The following IMPG2 variants were observed in gnomAD, a reference collection of about 807,000 sequenced individuals.
The protein encoded by IMPG2 is interphotoreceptor matrix proteoglycan 2.
A neutral mutation model predicts 129.2 loss-of-function variants in IMPG2; 91 were observed. That is an observed-to-expected ratio of 0.70 (90% CI 0.59 to 0.84). The LOEUF is 0.84. Ranked by LOEUF, IMPG2 falls within the 40% of genes least tolerant of loss-of-function variation. The pLI is 0.00. For synonymous variants in IMPG2, 510 were observed against 517.7 expected, an observed-to-expected ratio of 0.99 and a Z score of 0.20; for missense variants, 1,430 against 1,461.7, an observed-to-expected ratio of 0.98 and a Z score of 0.35.
intron 1 of IMPG2, 112 bp from the exon 2 acceptor site, chr3:101,319,944 A>C (rs993247232): frequency 2.7e-6 from 3 of 1,127,338 alleles, no homozygotes; most frequent in Non-Finnish European, 3.9e-6. Context: ...GCCAGTGCCC[A>C]AATCATAGGC....
At chr3:101,319,157 A>G (rs1388078811) in intron 2 of IMPG2, among the ~76,000 whole-genome samples, 1 of 152,178 alleles carries the variant, frequency 6.6e-6, no homozygotes, top group African/African-American at 2.4e-5. Flanking sequence ...ATGTAGCCCA[A>G]AACATAAACT....
At chr3:101,288,078 A>C (rs1706966694) in intron 4 of IMPG2, among the ~76,000 whole-genome samples, 1 of 152,150 alleles carries the variant, frequency 6.6e-6, no homozygotes. Flanking sequence ...AAAAGTAGGC[A>C]AAGGAAAAGA....
chr3:101,293,433 A>G (rs953170484), intron 3 of IMPG2, among the ~76,000 whole-genome samples: 2 of 152,218 alleles, frequency 1.3e-5, no homozygotes, highest in Non-Finnish European at 2.9e-5. Flanking sequence ...GGTGGGCTTA[A>G]AAGATTCAGT....
intron 7 of IMPG2, 107 bp downstream of exon 7, chr3:101,273,474 G>A: frequency 8.3e-7 from 1 of 1,206,342 alleles, no homozygotes; most frequent in South Asian, 1.4e-5. Flanking sequence ...CAGGAACCAA[G>A]TAGACAAACA....
chr3:101,261,651 G>T (rs552490749), intron 9 of IMPG2, among the ~76,000 whole-genome samples: 1 of 152,132 alleles, frequency 6.6e-6, no homozygotes, highest in East Asian at 1.9e-4. Context: ...TTTTTGTTCT[G>T]GAAAGGGAAC....
At chr3:101,229,318 C>CCGGG in intron 17 of IMPG2, 62 bp downstream of exon 17, 2 of 1,136,282 alleles carry the variant, frequency 1.8e-6, no homozygotes, top group Non-Finnish European at 2.6e-6. Flanking sequence ...CCACCACCCC[C>CCGGG]TGCTCCCCCA....
intron 4 of IMPG2, among the ~76,000 whole-genome samples, chr3:101,280,987 TATTCTCAACTACA>T (rs1032315353): frequency 9.2e-5 from 14 of 151,580 alleles, no homozygotes; most frequent in Admixed American, 3.9e-4. Flanking sequence ...CCATGATGGG[TATTCTCAACTACA>T]ATTCTCAACT....
intron 14 of IMPG2, among the ~76,000 whole-genome samples, chr3:101,237,113 G>C (rs1162642905): frequency 1.3e-5 from 2 of 152,154 alleles, no homozygotes; most frequent in African/African-American, 4.8e-5. Context: ...AATTTGAACT[G>C]GGTGGAGCCC....
intron 4 of IMPG2, among the ~76,000 whole-genome samples, chr3:101,277,765 C>T (rs1706853140): frequency 6.6e-6 from 1 of 152,198 alleles, no homozygotes; most frequent in African/African-American, 2.4e-5. Flanking sequence ...TAGGTTTCCA[C>T]AAGTCCATAT....
At chr3:101,275,842 A>G (rs1706835151) in intron 5 of IMPG2, 97 bp from the exon 6 acceptor site, 7 of 894,094 alleles carry the variant, frequency 7.8e-6, no homozygotes, top group Non-Finnish European at 9.2e-6. Flanking sequence ...AACCATTCCT[A>G]TAAATAGTTT....
chr3:101,289,702 T>C (rs1011749868), intron 4 of IMPG2, among the ~76,000 whole-genome samples: 1 of 151,930 alleles, frequency 6.6e-6, no homozygotes, highest in Non-Finnish European at 1.5e-5. Flanking sequence ...TTAAATTGTC[T>C]TACAGAGGAG....
rs775672581 is a variant in IMPG2 at position 101,244,794 on chromosome 3, AT to A, written c.1544-8del. The A allele has an allele frequency of 6.2e-7, 1 of 1,612,356 alleles. No individual in the cohort carries two copies. The highest frequency in any genetic ancestry group is 8.5e-7 in the Non-Finnish European group (1 of 1,178,750). ...TCTTCAACATTGGCTAATCCTAAAA[AT>A]AAAGTTTTCCATTAATTAATCTACA... On this transcript the variant is annotated splice_region_variant and splice_polypyrimidine_tract_variant and intron_variant, in intron 12 of 18. Coordinates refer to ENST00000193391, the MANE Select transcript of IMPG2 (RefSeq NM_016247.4).
rs371373101 is a variant in IMPG2, at chr3:101,245,872, C to G, written c.1473G>C (p.Pro491=). Residue 491 remains proline (P), a synonymous_variant, in exon 12 of 19, where the codon CCG becomes CCC. Coordinates refer to ENST00000193391, the MANE Select transcript of IMPG2 (RefSeq NM_016247.4). ...CAGGCAAGCCAGTCTGAAGCACTGC[C>G]GGGGTGACAGAATGAAGAGTCAAGC... ...VSSLTLHSVT[P]AVLQTGLPVA... The G allele has an allele frequency of 6.2e-7, 1 of 1,614,024 alleles. No homozygotes were observed. The highest frequency in any genetic ancestry group is 8.5e-7 in the Non-Finnish European group (1 of 1,180,010).
chr3:101,238,476 C>T lies in IMPG2; in HGVS notation c.3022+4212G>A, dbSNP rs149243918. 2.4e-3 allele frequency among the ~76,000 whole-genome samples: 358 copies of T among 152,240 alleles called. 8 individuals are homozygous for T. The East Asian group carries it at 0.028, about 12-fold the overall frequency. On this transcript the variant is annotated intron_variant, in intron 14 of 18. Coordinates refer to ENST00000193391, the MANE Select transcript of IMPG2 (RefSeq NM_016247.4). ...GTTAAGGGCAGCCAGAGAGAAAGGT[C>T]GGGTTACCCACAAAGGGAAACCCAT...
chr3:101,319,864 T>G, intron 1 of IMPG2, 32 bp from the exon 2 acceptor site: 1 of 1,602,080 alleles, frequency 6.2e-7, no homozygotes, highest in African/African-American at 1.3e-5. Context: ...AAGTCTTCGA[T>G]AATGAAGATA....
At chr3:101,295,729 T>C (rs990288268) in intron 3 of IMPG2, among the ~76,000 whole-genome samples, 2 of 152,190 alleles carry the variant, frequency 1.3e-5, no homozygotes, top group African/African-American at 4.8e-5. Flanking sequence ...TCCTCTCTTA[T>C]TTCCTTGAAC....
chr3:101,240,581 T>C (rs1706396109), intron 14 of IMPG2, among the ~76,000 whole-genome samples: 1 of 152,210 alleles, frequency 6.6e-6, no homozygotes, highest in Non-Finnish European at 1.5e-5. Flanking sequence ...CCCCATTTAA[T>C]ATATGAGGAA....
rs1173527751 is a variant in IMPG2 at position 101,257,545 on chromosome 3, G to A, written c.1137C>T (p.Ser379=). The A allele has an allele frequency of 3.7e-6, 6 of 1,613,286 alleles. No homozygotes were observed. The highest frequency in any genetic ancestry group is 5.1e-6 in the Non-Finnish European group (6 of 1,179,462). Residue 379 remains serine, a synonymous_variant, in exon 10 of 19, where the codon TCC becomes TCT. Transcript: ENST00000193391. The part of the protein sequence containing the change: ...GNSSLNPDPD[S]LQLINVRGVL... The stretch of plus-strand genomic sequence containing the variant: ...CAAACTCACCATTGATAAGCTGCAG[G>A]GAATCAGGATCTGGATTCAAGGAAG...
chr3:101,227,876 G>T (rs910055585), intron 18 of IMPG2: 9 of 456,056 alleles, frequency 2.0e-5, no homozygotes, highest in Non-Finnish European at 3.5e-5. Flanking sequence ...CAGAGAAAAA[G>T]AATTTTGAGT....
Sources: allele counts gnomAD v4.1 joint callset (sites outside exome capture counted in the v4.1 genomes callset), GRCh38; gene constraint gnomAD v4.1.1; transcripts MANE v1.5; gene names NCBI Gene and HGNC (gene_info 2026-07-23, HGNC 2026-07-21).